CDKL3: variants seen among roughly 807,000 people sequenced by gnomAD.
The protein encoded by CDKL3 is cyclin dependent kinase like 3, also known as cyclin-dependent kinase-like 3.
CDKL3 carries 65 observed loss-of-function variants against 69.3 expected under a neutral mutation model. That is an observed-to-expected ratio of 0.94 (90% confidence interval 0.77 to 1.15). CDKL3 has a LOEUF of 1.15. CDKL3 is among the 50% of genes most tolerant of loss of function. The pLI is 0.00. For missense variants in CDKL3, 652 were observed against 689.2 expected (o/e 0.95, Z 0.61); for synonymous variants, 202 against 221.6 (o/e 0.91, Z 0.79).
chr5:134,288,318 C>T (rs1271599528), intron 8 of CDKL3, among the ~76,000 whole-genome samples: 3 of 152,246 alleles, frequency 2.0e-5, no homozygotes, highest in Non-Finnish European at 2.9e-5. Context: ...AAAAGAATTA[C>T]AGTACTAGTA....
At chr5:134,359,123 A>C (rs1263979679) in intron 3 of CDKL3, among the ~76,000 whole-genome samples, 1 of 152,054 alleles carries the variant, frequency 6.6e-6, no homozygotes, top group Non-Finnish European at 1.5e-5. Flanking sequence ...CCATCTCTAC[A>C]AAATATTGGC....
intron 8 of CDKL3, 47 bp from the exon 9 acceptor site, chr5:134,308,513 T>C (rs1768507630): frequency 6.4e-7 from 1 of 1,555,708 alleles, no homozygotes; most frequent in Middle Eastern, 1.7e-4. Flanking sequence ...CAGTTATTTT[T>C]GTCATTAGAG....
chr5:134,319,328 T>G, intron 6 of CDKL3, 30 bp downstream of exon 6: 1 of 1,479,130 alleles, frequency 6.8e-7, no homozygotes, highest in Non-Finnish European at 9.0e-7. Flanking sequence ...AGACTCTGTC[T>G]CCGGGGGAGG....
intron 4 of CDKL3, among the ~76,000 whole-genome samples, chr5:134,341,343 C>G (rs1750440528): frequency 6.6e-6 from 1 of 152,046 alleles, no homozygotes; most frequent in African/African-American, 2.4e-5. Flanking sequence ...CACAATTAGA[C>G]AGGAAAAAGA....
Position 134,286,566 on chromosome 5 carries a change from C to T in CDKL3, c.*678-7G>A, listed in dbSNP as rs535002049. On this transcript the variant is annotated splice_polypyrimidine_tract_variant and splice_region_variant and intron_variant and NMD_transcript_variant, in intron 8 of 8. Coordinates refer to the CDKL3 transcript ENST00000519312. ...GCCGCTGATAAAGACGTACCTGAGA[C>T]GGGACAATTTACAAAAGAAAGAGGT... The T allele has an allele frequency of 1.2e-4, 18 of 153,138 alleles. No homozygotes were observed. In the South Asian group the frequency reaches 1.8e-3, roughly 15 times the overall value. The allele number at this position is 153,138 out of a possible 1,614,324, so 9.5% of individuals were successfully genotyped here. A position where few individuals can be genotyped will look rare whatever the true frequency, so the allele number is the denominator to read the frequency against.
At chr5:134,301,304 C>T (rs1486928953) in intron 12 of CDKL3, among the ~76,000 whole-genome samples, 1 of 152,012 alleles carries the variant, frequency 6.6e-6, no homozygotes, top group East Asian at 1.9e-4. Context: ...GGCCTAATGG[C>T]ATTCTTGTTC....
At chr5:134,367,230 A>T, upstream of CDKL3, 1 of 985,396 alleles carries the variant, frequency 1.0e-6, no homozygotes, top group Non-Finnish European at 1.2e-6. Context: ...GGAAGTGGGA[A>T]GAAACGGAAA....
At chr5:134,360,397 GT>G (rs1755731235) in intron 2 of CDKL3, among the ~76,000 whole-genome samples, 1 of 151,588 alleles carries the variant, frequency 6.6e-6, no homozygotes, top group African/African-American at 2.4e-5. Context: ...TAGAAACAGG[GT>G]TTCACCATGT....
chr5:134,301,147 G>A (rs947338699), intron 12 of CDKL3, among the ~76,000 whole-genome samples: 1 of 152,166 alleles, frequency 6.6e-6, no homozygotes, highest in East Asian at 1.9e-4. Flanking sequence ...ACAGGCATGA[G>A]CCACCACACC....
At chr5:134,318,051 C>T (rs901647542) in intron 6 of CDKL3, among the ~76,000 whole-genome samples, 6 of 152,018 alleles carry the variant, frequency 3.9e-5, no homozygotes, top group African/African-American at 1.5e-4. Context: ...GAAACCTCGT[C>T]TCTACTAAAA....
chr5:134,319,600 C>A, intron 5 of CDKL3, 103 bp from the exon 6 acceptor site: 2 of 966,578 alleles, frequency 2.1e-6, no homozygotes, highest in Non-Finnish European at 2.9e-6. Flanking sequence ...AAAACTGATA[C>A]AAGGAAGAAT....
chr5:134,364,859 T>G (rs1168211973), intron 2 of CDKL3, among the ~76,000 whole-genome samples: 2 of 151,152 alleles, frequency 1.3e-5, no homozygotes, highest in Non-Finnish European at 2.9e-5. Flanking sequence ...CAGGCTAGAG[T>G]GCAGTGGCGT....
chr5:134,365,256 C>T (rs1757131471), intron 2 of CDKL3, among the ~76,000 whole-genome samples: 2 of 151,888 alleles, frequency 1.3e-5, no homozygotes, highest in Non-Finnish European at 2.9e-5. Context: ...GCGCTGGGAG[C>T]GTGAGCCACC....
rs764242769 is a variant in CDKL3 at position 134,321,827 on chromosome 5, C to G, written c.616G>C (p.Asp206His). ...ACAATTTTATGGAGTAAATCCAAAT[C>G]AGAACTACTAGGAAGATAGGGATTT... ...TGNPYLPSSS[D>H]LDLLHKIVLK... Residue 206 changes from aspartate (D) to histidine (H), a missense_variant, in exon 5 of 13, where the codon GAT becomes CAT. Asp to His is a moderately conservative substitution (Grantham distance 81). Coordinates refer to ENST00000265334, the MANE Select transcript of CDKL3 (RefSeq NM_001113575.2). 1 of 1,611,268 alleles carries G rather than the reference C, an allele frequency of 6.2e-7. No individual in the cohort carries two copies. The highest frequency in any genetic ancestry group is 2.2e-5 in the East Asian group (1 of 44,808).
At chr5:134,339,549 A>C (rs1749930082) in intron 4 of CDKL3, among the ~76,000 whole-genome samples, 1 of 152,220 alleles carries the variant, frequency 6.6e-6, no homozygotes, top group Non-Finnish European at 1.5e-5. Flanking sequence ...TATGAACAAC[A>C]TGATAAACAA....
intron 4 of CDKL3, among the ~76,000 whole-genome samples, chr5:134,334,700 T>C (rs1332072666): frequency 2.6e-5 from 4 of 152,220 alleles, no homozygotes; most frequent in African/African-American, 7.2e-5. Flanking sequence ...ATTTCTGTTC[T>C]TTTACATTTG....
At position 134,354,677 on chromosome 5, in the gene CDKL3, G is replaced by A. The variant is rs572536591; in HGVS notation, c.361-4250C>T. Among the ~76,000 whole-genome samples the A allele has an allele frequency of 7.9e-5, 12 of 152,276 alleles. No individual in the cohort carries two copies. The South Asian group carries it at 1.4e-3, about 18-fold the overall frequency. Reference sequence around the variant, plus strand: ...AGATACCGCTTCAGGAGCCGGGCGCGGTGGCTCACGCCTGTAATCCCAGCA... The same window carrying A: ...AGATACCGCTTCAGGAGCCGGGCGCAGTGGCTCACGCCTGTAATCCCAGCA... On this transcript the variant is annotated intron_variant, in intron 3 of 12. Coordinates refer to ENST00000265334, the MANE Select transcript of CDKL3 (RefSeq NM_001113575.2).
Position 134,287,949 on chromosome 5 carries a change from C to T in CDKL3, c.*678-1390G>A, listed in dbSNP as rs1184609498. ...CACCCTTGTTGCCCAGGCTAGAGTG[C>T]AATGGTGCAATCTCAGCTCACCACA... On this transcript the variant is annotated intron_variant and NMD_transcript_variant, in intron 8 of 8. Coordinates refer to the CDKL3 transcript ENST00000519312. Among the ~76,000 whole-genome samples, 7 of 147,744 alleles carry T rather than the reference C, an allele frequency of 4.7e-5. No homozygotes were observed. In the Admixed American group the frequency reaches 4.8e-4, roughly 10 times the overall value.
At chr5:134,311,492 C>T (rs555354358) in intron 7 of CDKL3, among the ~76,000 whole-genome samples, 6 of 150,602 alleles carry the variant, frequency 4.0e-5, no homozygotes, top group Non-Finnish European at 3.0e-5. Context: ...GGCAACAAAG[C>T]GAGACTTCAT....
Sources: gnomAD v4.1 joint callset for allele counts (sites outside exome capture counted in the v4.1 genomes callset) on GRCh38, gnomAD v4.1.1 for gene constraint, MANE v1.5 for transcripts, NCBI Gene and HGNC (gene_info 2026-07-23, HGNC 2026-07-21) for gene names.